SUCLA2: variants seen among roughly 807,000 people sequenced by gnomAD.
The protein encoded by SUCLA2 is succinate--CoA ligase [ADP-forming] subunit beta, mitochondrial.
A neutral mutation model predicts 54.8 loss-of-function variants in SUCLA2; 30 were observed. The ratio of observed to expected loss-of-function variants is 0.55; its 90% CI spans 0.41 to 0.74. The LOEUF is 0.74. Among genes scored for constraint, SUCLA2 ranks in the 30% least tolerant of loss-of-function variants. The probability of loss-of-function intolerance (pLI) is 0.00; values close to 1 mark genes in which losing one functional copy is unlikely to be tolerated. For synonymous variants in SUCLA2, 172 were observed against 188.9 expected (o/e 0.91, Z 0.74); for missense variants, 476 against 562.9 (o/e 0.85, Z 1.56).
At chr13:47,945,629 A>G (rs940024487) in intron 10 of SUCLA2, 1 of 141,592 alleles carries the variant, frequency 7.1e-6, no homozygotes, top group Non-Finnish European at 1.5e-5. Context: ...ATTAATCTAA[A>G]GTGGGAAAAG....
intron 6 of SUCLA2, among the ~76,000 whole-genome samples, chr13:47,961,683 C>T (rs2137704792): frequency 6.6e-6 from 1 of 151,892 alleles, no homozygotes; most frequent in South Asian, 2.1e-4. Flanking sequence ...ATATGCATTC[C>T]AGGATTCTAC....
At chr13:47,973,620 C>T (rs929062823) in intron 4 of SUCLA2, among the ~76,000 whole-genome samples, 8 of 152,060 alleles carry the variant, frequency 5.3e-5, no homozygotes, top group African/African-American at 1.7e-4. Flanking sequence ...TAATGGCTTG[C>T]CTGCAAGGAA....
chr13:47,958,595 T>A (rs1949840709), intron 6 of SUCLA2, among the ~76,000 whole-genome samples: 2 of 152,218 alleles, frequency 1.3e-5, no homozygotes, highest in South Asian at 4.1e-4. Flanking sequence ...TTTATATTTG[T>A]CTCTGGTAGG....
intron 6 of SUCLA2, among the ~76,000 whole-genome samples, chr13:47,966,808 C>T (rs7338125): frequency 3.3e-5 from 5 of 151,540 alleles, no homozygotes; most frequent in African/African-American, 1.2e-4. Flanking sequence ...TGAGTACATG[C>T]GTTGGATGAG....
intron 6 of SUCLA2, among the ~76,000 whole-genome samples, chr13:47,959,404 G>A (rs1397044004): frequency 6.9e-6 from 1 of 145,852 alleles, no homozygotes; most frequent in African/African-American, 2.5e-5. Flanking sequence ...AAATAAGAAA[G>A]AAGAAGGGAG....
intron 8 of SUCLA2, among the ~76,000 whole-genome samples, chr13:47,952,160 C>CTGAA (rs1949781627): frequency 6.6e-6 from 1 of 152,066 alleles, no homozygotes; most frequent in South Asian, 2.1e-4. Flanking sequence ...TCTGAATAGT[C>CTGAA]CTACAACATT....
chr13:47,970,343 CCAT>C (rs1949952536), intron 5 of SUCLA2, among the ~76,000 whole-genome samples: 1 of 152,124 alleles, frequency 6.6e-6, no homozygotes, highest in South Asian at 2.1e-4. Flanking sequence ...CCACTCATCA[CCAT>C]CATGCAAAAT....
intron 10 of SUCLA2, among the ~76,000 whole-genome samples, chr13:47,943,676 C>T (rs1034178955): frequency 6.6e-5 from 10 of 151,072 alleles, no homozygotes; most frequent in Non-Finnish European, 7.4e-5. Flanking sequence ...GATGTTATAC[C>T]ACCTGCTAGG....
intron 4 of SUCLA2, 72 bp downstream of exon 4, chr13:47,988,468 AG>A (rs1950122559): frequency 2.0e-6 from 3 of 1,528,284 alleles, no homozygotes; most frequent in Non-Finnish European, 2.7e-6. Flanking sequence ...CCACATAAAT[AG>A]AAACAATAAT....
At chr13:47,949,233 T>C (rs1306324824) in intron 9 of SUCLA2, among the ~76,000 whole-genome samples, 2 of 152,208 alleles carry the variant, frequency 1.3e-5, no homozygotes, top group African/African-American at 4.8e-5. Context: ...CTGACTTGCT[T>C]AGTAATTCAG....
chr13:47,988,771 C>G, intron 3 of SUCLA2, 68 bp from the exon 4 acceptor site: 2 of 1,601,186 alleles, frequency 1.2e-6, no homozygotes, highest in South Asian at 1.1e-5. Context: ...CACATAATAG[C>G]CAAAATTTTA....
At chr13:47,973,778 T>A (rs1006880795) in intron 4 of SUCLA2, among the ~76,000 whole-genome samples, 1 of 152,204 alleles carries the variant, frequency 6.6e-6, no homozygotes, top group East Asian at 1.9e-4. Context: ...AATGTGTTCA[T>A]GTCCTTTGCA....
intron 6 of SUCLA2, chr13:47,965,483 G>A (rs1949909584): frequency 3.0e-6 from 1 of 334,930 alleles, no homozygotes. Flanking sequence ...TGAAATAAAT[G>A]ACCCCTTCTT....
chr13:47,995,819 C>T (rs1177457196), intron 2 of SUCLA2, among the ~76,000 whole-genome samples: 9 of 152,088 alleles, frequency 5.9e-5, no homozygotes, highest in African/African-American at 2.2e-4. Context: ...AAAATGTAAG[C>T]TTATTTTCTG....
At chr13:47,999,887 T>A (rs1210786407) in intron 1 of SUCLA2, among the ~76,000 whole-genome samples, 1 of 151,994 alleles carries the variant, frequency 6.6e-6, no homozygotes, top group Non-Finnish European at 1.5e-5. Flanking sequence ...GCAACTGTTA[T>A]AAAGAAAATA....
Position 47,988,937 on chromosome 13 carries a change from T to C in SUCLA2, c.316A>G (p.Arg106Gly). 6.2e-7 allele frequency: 1 copy of C among 1,613,662 alleles called. No individual in the cohort carries two copies. The highest frequency in any genetic ancestry group is 8.5e-7 in the Non-Finnish European group (1 of 1,179,990). Reference sequence around the variant, plus strand: ...CCACTTTCAAATGTTCCTTTTCCTCTACCACCAGCTAAAACCTGTGCCTTT... The same window carrying C: ...CCACTTTCAAATGTTCCTTTTCCTCCACCACCAGCTAAAACCTGTGCCTTT... ...VIKAQVLAGG[R>G]GKGTFESGLK... The change falls in exon 3 of 11, where the codon AGA (arginine) becomes GGA (glycine). Residue 106 changes from arginine (R) to glycine (G), a missense_variant. Physicochemically the swap from Arg to Gly is moderately radical, Grantham distance 125. Around this residue, in one of 2 missense-constraint regions of SUCLA2, gnomAD observed 342 missense variants for 444.2 expected, o/e 0.77. Transcript: ENST00000646932.
rs570160516 is a variant in SUCLA2, at chr13:47,996,644, G to A, written c.271+199C>T. On this transcript the variant is annotated intron_variant, in intron 2 of 10. Coordinates refer to ENST00000646932, the MANE Select transcript of SUCLA2 (RefSeq NM_003850.3). ...AATGTAAGTGACTCCCACGTCACTG[G>A]CATTATGGGTGCTCATAATAATAAT... 4.6e-5 allele frequency among the ~76,000 whole-genome samples: 7 copies of A among 151,814 alleles called. No individual in the cohort carries two copies. The South Asian group carries it at 1.5e-3, about 32-fold the overall frequency.
At chr13:47,946,589 T>A (rs1225868555) in intron 10 of SUCLA2, among the ~76,000 whole-genome samples, 1 of 147,006 alleles carries the variant, frequency 6.8e-6, no homozygotes, top group Non-Finnish European at 1.5e-5. Context: ...TGTTTTTTTT[T>A]TTTTAAAAAA....
At chr13:47,961,758 T>C (rs569990772) in intron 6 of SUCLA2, among the ~76,000 whole-genome samples, 4 of 152,360 alleles carry the variant, frequency 2.6e-5, no homozygotes, top group Admixed American at 2.6e-4. Flanking sequence ...TTATGTTAAA[T>C]TGTTGTATGC....
Sources: gnomAD v4.1 joint callset for allele counts (sites outside exome capture counted in the v4.1 genomes callset) on GRCh38, gnomAD v4.1.1 for gene constraint, gnomAD v4.1.1 regional missense constraint, MANE v1.5 for transcripts, NCBI Gene and HGNC (gene_info 2026-07-23, HGNC 2026-07-21) for gene names.